The following ACSM4 variants were observed in gnomAD, a reference collection of about 807,000 sequenced individuals.
ACSM4 encodes acyl-coenzyme A synthetase ACSM4, mitochondrial.
ACSM4 carries 66 observed loss-of-function variants against 73.0 expected under a neutral mutation model. The ratio of observed to expected loss-of-function variants is 0.90; its 90% CI spans 0.74 to 1.11. ACSM4 has a LOEUF of 1.11. Ranked by LOEUF, ACSM4 falls within the 50% of genes least tolerant of loss-of-function variation. The pLI is 0.00. For synonymous variants in ACSM4, 222 were observed against 254.0 expected (o/e 0.87, Z 1.20); for missense variants, 645 against 714.4 (o/e 0.90, Z 1.11).
intron 7 of ACSM4, among the ~76,000 whole-genome samples, chr12:7,322,851 G>A (rs1048707397): frequency 6.6e-6 from 1 of 152,122 alleles, no homozygotes; most frequent in Non-Finnish European, 1.5e-5. Context: ...CTCTGAGAGC[G>A]TCCATGGGAA....
intron 3 of ACSM4, among the ~76,000 whole-genome samples, chr12:7,314,861 A>C (rs1021462349): frequency 1.3e-5 from 2 of 152,190 alleles, no homozygotes; most frequent in African/African-American, 4.8e-5. Context: ...GCAAGTTACC[A>C]AGAAAACCAT....
At chr12:7,321,198 G>A (rs1946461151) in intron 6 of ACSM4, among the ~76,000 whole-genome samples, 1 of 152,098 alleles carries the variant, frequency 6.6e-6, no homozygotes, top group Non-Finnish European at 1.5e-5. Context: ...TTGTCCTCTA[G>A]TTCTATTCTT....
chr12:7,325,034 C>A lies in ACSM4; in HGVS notation c.1536+436C>A, dbSNP rs747381315. On this transcript the variant is annotated intron_variant, in intron 11 of 12. Transcript: ENST00000399422. ...GTATACACCTTAGCAACCCTCCACC[C>A]CTTCAGGGAAGGATACAGCTCTGTT... Among the ~76,000 whole-genome samples, 4 of 152,310 alleles carry A rather than the reference C, an allele frequency of 2.6e-5. No individual in the cohort carries two copies. The South Asian group carries it at 8.3e-4, about 32-fold the overall frequency.
chr12:7,317,126 A>C lies in ACSM4; in HGVS notation c.621-11A>C. The C allele has an allele frequency of 1.2e-6, 2 of 1,607,276 alleles. No individual in the cohort carries two copies. Among genetic ancestry groups the C allele is most frequent in the Non-Finnish European group, 1.7e-6 (2 of 1,177,266 alleles). On this transcript the variant is annotated splice_polypyrimidine_tract_variant and intron_variant, in intron 3 of 12. Coordinates refer to ENST00000399422, the MANE Select transcript of ACSM4 (RefSeq NM_001080454.2). ...ATCTTCCACCGCCATCTTGGGGTCC[A>C]TATTTTGCAGATTCGCCTCTGAAGA...
At chr12:7,313,079 A>G (rs1193051995) in intron 3 of ACSM4, among the ~76,000 whole-genome samples, 1 of 152,146 alleles carries the variant, frequency 6.6e-6, no homozygotes, top group Non-Finnish European at 1.5e-5. Context: ...AAAACAAAAA[A>G]CATGTAATTT....
chr12:7,305,963 C>T (rs1409140523), intron 1 of ACSM4, among the ~76,000 whole-genome samples: 1 of 152,182 alleles, frequency 6.6e-6, no homozygotes, highest in African/African-American at 2.4e-5. Context: ...ATGCCTCCCT[C>T]GACCCTGCTC....
At position 7,324,335 on chromosome 12, in the gene ACSM4, A is replaced by C; in HGVS notation, c.1371A>C (p.Gly457=). The C allele has an allele frequency of 1.2e-6, 2 of 1,613,970 alleles. No homozygotes were observed. The highest frequency in any genetic ancestry group is 1.7e-6 in the Non-Finnish European group (2 of 1,179,940). Residue 457 remains glycine (G), a synonymous_variant, in exon 10 of 13, where the codon GGA becomes GGC. Coordinates refer to ENST00000399422, the MANE Select transcript of ACSM4 (RefSeq NM_001080454.2). Reference sequence around the variant, plus strand: ...ATTTTTATGTCACTGGAGACAGAGGAGTGATGGACAGTGATGGGTATTTCT... The same window carrying C: ...ATTTTTATGTCACTGGAGACAGAGGCGTGATGGACAGTGATGGGTATTTCT... ...RGDFYVTGDR[G]VMDSDGYFWF...
intron 3 of ACSM4, among the ~76,000 whole-genome samples, chr12:7,311,717 G>T (rs1946391705): frequency 1.3e-5 from 2 of 151,998 alleles, no homozygotes; most frequent in Non-Finnish European, 2.9e-5. Flanking sequence ...CTGAGACAGG[G>T]TCTCACTTTG....
At position 7,317,280 on chromosome 12, in the gene ACSM4, G is replaced by A. The variant is rs372274193; in HGVS notation, c.764G>A (p.Arg255Lys). The A allele has an allele frequency of 6.4e-7, 1 of 1,554,762 alleles. No homozygotes were observed. Among genetic ancestry groups the A allele is most frequent in the Non-Finnish European group, 8.7e-7 (1 of 1,150,214 alleles). ...GGCATTGGGTTCACCCTCTGCGGAA[G>A]GTAGGGAAGAAAATTCAGTTTGTTT... Reference protein sequence around the residue: ...SLGIGFTLCGRYWLDLKSSDI... With the variant: ...SLGIGFTLCGKYWLDLKSSDI... Residue 255 changes from arginine to lysine, a missense_variant and splice_region_variant, in exon 4 of 13, where the codon AGG (arginine) becomes AAG (lysine). Physicochemically the swap from Arg to Lys is conservative, Grantham distance 26 (BLOSUM62 2). Transcript: ENST00000399422.
intron 5 of ACSM4, among the ~76,000 whole-genome samples, chr12:7,320,252 A>G (rs1316053102): frequency 6.6e-6 from 1 of 152,240 alleles, no homozygotes; most frequent in African/African-American, 2.4e-5. Context: ...AAGGCCAAAA[A>G]AAATGCTTAT....
intron 3 of ACSM4, among the ~76,000 whole-genome samples, chr12:7,311,486 T>C (rs1946389958): frequency 6.6e-6 from 1 of 152,166 alleles, no homozygotes; most frequent in South Asian, 2.1e-4. Context: ...CCTAAGAAGT[T>C]TTCCTTGACC....
intron 5 of ACSM4, among the ~76,000 whole-genome samples, chr12:7,320,346 C>T (rs184195302): frequency 8.7e-4 from 132 of 152,280 alleles, no homozygotes; most frequent in African/African-American, 3.1e-3. Flanking sequence ...TTAGCTTATA[C>T]ATCCATAGTC....
intron 4 of ACSM4, among the ~76,000 whole-genome samples, chr12:7,317,572 G>T (rs1372736137): frequency 6.6e-6 from 1 of 152,120 alleles, no homozygotes; most frequent in Non-Finnish European, 1.5e-5. Context: ...TAAAAGAGAG[G>T]CTATCCGACC....
Position 7,310,368 on chromosome 12 carries a change from A to G in ACSM4, c.413-171A>G, listed in dbSNP as rs114138028. Among the ~76,000 whole-genome samples the G allele has an allele frequency of 8.6e-3, 1,304 of 152,320 alleles. 17 individuals carry two copies. The highest frequency in any genetic ancestry group is 0.03 in the African/African-American group (1,234 of 41,578). ...GTCAAACTCTGAAGCTAGTGCTCCA[A>G]GGGATCTCTCAGGGATCAGGGTCCT... On this transcript the variant is annotated intron_variant, in intron 2 of 12. Coordinates refer to ENST00000399422, the MANE Select transcript of ACSM4 (RefSeq NM_001080454.2).
chr12:7,307,341 G>A (rs1267440103), intron 2 of ACSM4, among the ~76,000 whole-genome samples: 5 of 152,094 alleles, frequency 3.3e-5, no homozygotes, highest in Admixed American at 2.0e-4. Context: ...ATGCAATTGG[G>A]ATTTAAAAAC....
intron 5 of ACSM4, among the ~76,000 whole-genome samples, chr12:7,318,968 A>G (rs1236793282): frequency 1.3e-5 from 2 of 152,138 alleles, no homozygotes; most frequent in Non-Finnish European, 2.9e-5. Flanking sequence ...GACTAGGGGG[A>G]GCGGGGAGAT....
At chr12:7,313,771 T>G (rs1946403282) in intron 3 of ACSM4, among the ~76,000 whole-genome samples, 1 of 152,106 alleles carries the variant, frequency 6.6e-6, no homozygotes, top group African/African-American at 2.4e-5. Context: ...GTGCAGGGAA[T>G]GGACTACAGG....
intron 6 of ACSM4, 141 bp downstream of exon 6, chr12:7,320,945 C>A: frequency 1.3e-6 from 1 of 778,514 alleles, no homozygotes; most frequent in South Asian, 1.6e-5. Flanking sequence ...ATTCTATCGT[C>A]GGAGGACGGT....
intron 3 of ACSM4, 53 bp from the exon 4 acceptor site, chr12:7,317,084 A>G: frequency 6.4e-7 from 1 of 1,566,310 alleles, no homozygotes; most frequent in Non-Finnish European, 8.6e-7. Context: ...GAAATATCAG[A>G]GTCAAACTGG....
Sources: allele counts gnomAD v4.1 joint callset (sites outside exome capture counted in the v4.1 genomes callset), GRCh38; gene constraint gnomAD v4.1.1; transcripts MANE v1.5; gene names NCBI Gene and HGNC (gene_info 2026-07-23, HGNC 2026-07-21).